Variants in CTNND2 observed in about 807,000 individuals in gnomAD.
CTNND2 encodes the protein catenin delta 2, also known as catenin delta-2.
Under a neutral mutation model 144.4 loss-of-function variants are expected in CTNND2, and 22 were observed. The observed-to-expected ratio is 0.15, with a 90% CI of 0.11 to 0.22. The LOEUF is 0.22. Among genes scored for constraint, CTNND2 ranks in the 10% least tolerant of loss-of-function variants. CTNND2 has a pLI of 1.00. For missense variants in CTNND2, 1,353 were observed against 1,618.8 expected, an observed-to-expected ratio of 0.84 and a Z score of 2.82; for synonymous variants, 751 against 695.6, an observed-to-expected ratio of 1.08 and a Z score of -1.25.
At chr5:11,399,719 T>C (rs147476193) in intron 5 of CTNND2, among the ~76,000 whole-genome samples, 1 of 152,350 alleles carries the variant, frequency 6.6e-6, no homozygotes, top group East Asian at 1.9e-4. Context: ...TCTATCTCAT[T>C]ACTCTATTCA....
At position 11,238,682 on chromosome 5, in the gene CTNND2, TTATA is replaced by T. The variant is rs1741896350; in HGVS notation, c.1629-1863_1629-1860del. Among the ~76,000 whole-genome samples the T allele has an allele frequency of 2.0e-5, 3 of 152,176 alleles. No individual in the cohort carries two copies. In the South Asian group the frequency reaches 6.2e-4, roughly 32 times the overall value. The stretch of plus-strand genomic sequence containing the variant: ...ATAAATTTACATACAGTCAGACAGA[TTATA>T]TATACACACACAGATATATATACAC... On this transcript the variant is annotated intron_variant, in intron 9 of 21. Transcript: ENST00000304623.
chr5:11,042,242 T>C (rs867445867), intron 16 of CTNND2, among the ~76,000 whole-genome samples: 1 of 152,294 alleles, frequency 6.6e-6, no homozygotes. Flanking sequence ...TTAATGTTGA[T>C]GAAAACTAGA....
chr5:11,207,726 C>T (rs563252482), intron 10 of CTNND2, among the ~76,000 whole-genome samples: 4 of 152,308 alleles, frequency 2.6e-5, no homozygotes, highest in African/African-American at 9.6e-5. Context: ...TAAGTCCTTG[C>T]TTCACAGCTA....
chr5:11,555,573 G>A (rs1012253940), intron 3 of CTNND2, among the ~76,000 whole-genome samples: 5 of 152,120 alleles, frequency 3.3e-5, no homozygotes, highest in African/African-American at 1.2e-4. Flanking sequence ...GAAGCATGGA[G>A]ATGAATCTTG....
At chr5:11,503,318 T>A (rs1199172800) in intron 3 of CTNND2, among the ~76,000 whole-genome samples, 1 of 152,238 alleles carries the variant, frequency 6.6e-6, no homozygotes, top group Non-Finnish European at 1.5e-5. Context: ...TTTCATATAC[T>A]GCTCGGACAA....
At chr5:11,624,121 AAAGTT>A (rs915657413) in intron 2 of CTNND2, among the ~76,000 whole-genome samples, 3 of 152,022 alleles carry the variant, frequency 2.0e-5, no homozygotes, top group Non-Finnish European at 2.9e-5. Flanking sequence ...TAATAAGTGA[AAAGTT>A]AAGGGCATGT....
chr5:11,746,744 T>C (rs951133274), intron 1 of CTNND2, among the ~76,000 whole-genome samples: 3 of 152,166 alleles, frequency 2.0e-5, no homozygotes, highest in African/African-American at 7.2e-5. Flanking sequence ...CCTAGAATAA[T>C]GCCTAGTAAA....
At chr5:11,182,585 C>G (rs1735197893) in intron 11 of CTNND2, among the ~76,000 whole-genome samples, 1 of 152,132 alleles carries the variant, frequency 6.6e-6, no homozygotes, top group Non-Finnish European at 1.5e-5. Context: ...CAACTTCCCG[C>G]CCTCAACTTC....
At chr5:11,439,924 G>C (rs984583829) in intron 3 of CTNND2, among the ~76,000 whole-genome samples, 2 of 151,418 alleles carry the variant, frequency 1.3e-5, no homozygotes, top group Non-Finnish European at 2.9e-5. Context: ...TCCCTCCCTG[G>C]TCTCCCAAAT....
intron 1 of CTNND2, among the ~76,000 whole-genome samples, chr5:11,777,852 T>C (rs1032425012): frequency 2.6e-5 from 4 of 152,130 alleles, no homozygotes; most frequent in African/African-American, 9.7e-5. Flanking sequence ...CTCTCCCAGG[T>C]GATTTTGAGA....
chr5:11,695,824 C>A (rs1299034491), intron 2 of CTNND2, among the ~76,000 whole-genome samples: 1 of 152,076 alleles, frequency 6.6e-6, no homozygotes. Context: ...ATATTACATA[C>A]ACATATATTA....
chr5:11,318,162 T>C (rs1481209446), intron 9 of CTNND2, among the ~76,000 whole-genome samples: 1 of 151,996 alleles, frequency 6.6e-6, no homozygotes, highest in Non-Finnish European at 1.5e-5. Context: ...CAAAAGAAAC[T>C]CCAGTACACG....
intron 12 of CTNND2, among the ~76,000 whole-genome samples, chr5:11,133,643 C>T (rs1016312176): frequency 2.6e-5 from 4 of 152,182 alleles, no homozygotes; most frequent in South Asian, 2.1e-4. Flanking sequence ...TGAGCCACCA[C>T]GCCTGGCCTA....
At chr5:11,544,178 T>G (rs1417065623) in intron 3 of CTNND2, among the ~76,000 whole-genome samples, 3 of 151,494 alleles carry the variant, frequency 2.0e-5, no homozygotes, top group Non-Finnish European at 4.4e-5. Flanking sequence ...CAGATTTTTT[T>G]TTTCTTTTTT....
intron 1 of CTNND2, among the ~76,000 whole-genome samples, chr5:11,804,369 A>G (rs1210776265): frequency 6.6e-6 from 1 of 152,150 alleles, no homozygotes. Flanking sequence ...TACCCAACTT[A>G]TTTGAAAATA....
At chr5:11,097,476 T>C (rs1751468122) in intron 15 of CTNND2, among the ~76,000 whole-genome samples, 1 of 152,192 alleles carries the variant, frequency 6.6e-6, no homozygotes, top group Non-Finnish European at 1.5e-5. Flanking sequence ...GGGCAGCGGC[T>C]AGCTCTGTAG....
At chr5:11,419,015 T>C (rs998358498) in intron 3 of CTNND2, among the ~76,000 whole-genome samples, 4 of 147,672 alleles carry the variant, frequency 2.7e-5, no homozygotes, top group Non-Finnish European at 4.5e-5. Context: ...TATATCTATA[T>C]AGATGTCTAT....
In CTNND2 at chr5:11,088,084, T is replaced by C. The variant is rs577739556; in HGVS notation, c.2638-5238A>G. 2.0e-5 allele frequency among the ~76,000 whole-genome samples: 3 copies of C among 152,352 alleles called. No individual in the cohort carries two copies. In the South Asian group the frequency reaches 6.2e-4, roughly 32 times the overall value. On this transcript the variant is annotated intron_variant, in intron 15 of 21. Coordinates refer to ENST00000304623, the MANE Select transcript of CTNND2 (RefSeq NM_001332.4). ...ACTTTCTGAACATGAAAAGGTTTTTTGTTTGTTTTTACTGTGGATGTAATC... is the reference window on the plus strand; with the variant it reads ...ACTTTCTGAACATGAAAAGGTTTTTCGTTTGTTTTTACTGTGGATGTAATC...
intron 3 of CTNND2, among the ~76,000 whole-genome samples, chr5:11,492,584 GAAAA>G (rs1769522552): frequency 6.7e-6 from 1 of 150,174 alleles, no homozygotes; most frequent in African/African-American, 2.4e-5. Flanking sequence ...ATTATTCCAT[GAAAA>G]AGAAATAAAC....
Sources: allele counts gnomAD v4.1 joint callset (sites outside exome capture counted in the v4.1 genomes callset), GRCh38; gene constraint gnomAD v4.1.1; transcripts MANE v1.5; gene names NCBI Gene and HGNC (gene_info 2026-07-23, HGNC 2026-07-21).